The following ZNF827 variants were observed in gnomAD, a reference collection of about 807,000 sequenced individuals.
ZNF827 encodes the protein zinc finger protein 827.
ZNF827 carries 13 observed loss-of-function variants against 102.4 expected under a neutral mutation model. That is an observed-to-expected ratio of 0.13 (90% CI 0.08 to 0.20). ZNF827 has a LOEUF of 0.20. Ranked by LOEUF, ZNF827 falls within the 10% of genes least tolerant of loss-of-function variation. The pLI, the probability that ZNF827 is intolerant of heterozygous loss-of-function variation, is 1.00. For synonymous variants in ZNF827, 523 were observed against 536.2 expected, an observed-to-expected ratio of 0.98 and a Z score of 0.34; for missense variants, 1,103 against 1,344.4, an observed-to-expected ratio of 0.82 and a Z score of 2.81.
intron 1 of ZNF827, among the ~76,000 whole-genome samples, chr4:145,937,160 G>A (rs1459106078): frequency 1.3e-5 from 2 of 152,130 alleles, no homozygotes; most frequent in Non-Finnish European, 2.9e-5. Flanking sequence ...GAGCTGGAGA[G>A]GGAGTGGGGG....
chr4:145,870,715 C>T (rs1359961825), intron 4 of ZNF827: 1 of 423,616 alleles, frequency 2.4e-6, no homozygotes, highest in Non-Finnish European at 4.2e-6. Flanking sequence ...TTAAGAAGTG[C>T]TACCTCTACA....
At chr4:145,926,804 G>A (rs531589104) in intron 1 of ZNF827, among the ~76,000 whole-genome samples, 2 of 151,762 alleles carry the variant, frequency 1.3e-5, no homozygotes, top group African/African-American at 4.8e-5. Flanking sequence ...TCATGTTTAA[G>A]CTTCTCATAC....
At chr4:145,937,636 T>C (rs1023844642) in intron 1 of ZNF827, among the ~76,000 whole-genome samples, 3 of 144,848 alleles carry the variant, frequency 2.1e-5, no homozygotes, top group Non-Finnish European at 3.0e-5. Context: ...TGTACCCGTG[T>C]GTTTGTGTGC....
chr4:145,930,720 C>T (rs1246105753), intron 1 of ZNF827, among the ~76,000 whole-genome samples: 1 of 152,124 alleles, frequency 6.6e-6, no homozygotes, highest in Non-Finnish European at 1.5e-5. Context: ...TTTAGTATAA[C>T]CCTAGGTCAG....
chr4:145,880,611 T>C (rs1050496849), intron 4 of ZNF827, among the ~76,000 whole-genome samples: 1 of 152,192 alleles, frequency 6.6e-6, no homozygotes, highest in Non-Finnish European at 1.5e-5. Flanking sequence ...TCCTCTCTTA[T>C]GAATCACCAA....
At chr4:145,776,971 C>T (rs1220037790) in intron 9 of ZNF827, among the ~76,000 whole-genome samples, 1 of 152,154 alleles carries the variant, frequency 6.6e-6, no homozygotes, top group Non-Finnish European at 1.5e-5. Flanking sequence ...GCTTTCATCA[C>T]ACAGATAAAG....
chr4:145,802,731 G>C (rs1741034704), intron 8 of ZNF827, among the ~76,000 whole-genome samples: 1 of 152,236 alleles, frequency 6.6e-6, no homozygotes. Flanking sequence ...ATGAAGGCGG[G>C]AGAATAGCTT....
chr4:145,760,071 GAGA>G lies in ZNF827; in HGVS notation c.*1542_*1544del, dbSNP rs1219079249. 6.6e-6 allele frequency: 1 copy of G among 152,232 alleles called. No individual in the cohort carries two copies. Among genetic ancestry groups the G allele is most frequent in the African/African-American group, 2.4e-5 (1 of 41,452 alleles). 9.4% of individuals were successfully genotyped at this position (152,232 alleles called of 1,614,324 possible). On this transcript the variant is annotated 3_prime_UTR_variant, in exon 15 of 15. Transcript: ENST00000508784. ...TTGATTCCTCGCCTCTTCATCACCA[GAGA>G]AGATCTGAGCGCAAGGTCTCCAGCG...
chr4:145,870,367 T>G lies in ZNF827; in HGVS notation c.1859A>C (p.Glu620Ala). The change falls in exon 5 of 15, where the codon GAA becomes GCA. Residue 620 changes from glutamate to alanine, a missense_variant. Glu to Ala is a moderately radical substitution (Grantham distance 107, BLOSUM62 -1). Transcript: ENST00000508784. Reference sequence around the variant, plus strand: ...GACGCCTGGGGCTGACACTTCAGATTCCGGGCTGAACACATAGCTGGACCG... The same window carrying G: ...GACGCCTGGGGCTGACACTTCAGATGCCGGGCTGAACACATAGCTGGACCG... ...LPRSSYVFSP[E>A]SEVSAPGVSE... 6.2e-7 allele frequency: 1 copy of G among 1,614,146 alleles called. No homozygotes were observed. Among genetic ancestry groups the G allele is most frequent in the South Asian group, 1.1e-5 (1 of 91,078 alleles).
At position 145,835,263 on chromosome 4, in the gene ZNF827, T is replaced by A. The variant is rs531551100; in HGVS notation, c.2279+10693A>T. 2.8e-4 allele frequency: 43 copies of A among 152,314 alleles called. No individual in the cohort carries two copies. In the East Asian group the frequency reaches 6.0e-3, roughly 21 times the overall value. 9.4% of individuals were successfully genotyped at this position (152,314 alleles called of 1,614,324 possible). On this transcript the variant is annotated intron_variant, in intron 7 of 14. Transcript: ENST00000508784. ...CAGAAGCCCCCTAGACCATCACGGATGCTGAGCTTCGGGTAACTCTCACAG... is the reference window on the plus strand; with the variant it reads ...CAGAAGCCCCCTAGACCATCACGGAAGCTGAGCTTCGGGTAACTCTCACAG...
rs1750082293 is a variant in ZNF827, at chr4:145,885,924, T to C, written c.1501A>G (p.Met501Val). ...EGGGTELVGT[M>V]MTSNTPERTS... ...CTCTCTGGAGTGTTAGACGTCATCA[T>C]GGTCCCCACTAGCTCTGTCCCTCCT... The change falls in exon 4 of 15, where the codon ATG (methionine) becomes GTG (valine). Residue 501 changes from methionine (M) to valine (V), a missense_variant. Met to Val is a conservative substitution (Grantham distance 21). This residue lies in a region of ZNF827 where 157 missense variants were observed against 211.7 expected (regional missense o/e 0.74). Transcript: ENST00000508784. 1.2e-6 allele frequency: 2 copies of C among 1,614,100 alleles called. No individual in the cohort carries two copies. Among genetic ancestry groups the C allele is most frequent in the Non-Finnish European group, 8.5e-7 (1 of 1,180,026 alleles).
At chr4:145,876,058 C>T (rs560641901) in intron 4 of ZNF827, among the ~76,000 whole-genome samples, 5 of 152,304 alleles carry the variant, frequency 3.3e-5, no homozygotes, top group Non-Finnish European at 7.3e-5. Context: ...GTTTCTCCCC[C>T]TCTCATAGGA....
intron 11 of ZNF827, among the ~76,000 whole-genome samples, chr4:145,772,813 C>CT (rs1156573140): frequency 6.6e-6 from 1 of 152,214 alleles, no homozygotes; most frequent in Non-Finnish European, 1.5e-5. Context: ...CAAGAATATT[C>CT]TTTCCTGCTA....
intron 2 of ZNF827, among the ~76,000 whole-genome samples, chr4:145,898,512 T>G (rs1252848974): frequency 6.6e-6 from 1 of 152,234 alleles, no homozygotes; most frequent in Non-Finnish European, 1.5e-5. Flanking sequence ...ACCATTTATT[T>G]TATTCTTAGC....
At chr4:145,851,303 C>A (rs967375660) in intron 5 of ZNF827, among the ~76,000 whole-genome samples, 2 of 152,144 alleles carry the variant, frequency 1.3e-5, no homozygotes, top group Non-Finnish European at 2.9e-5. Flanking sequence ...GATAGACAGA[C>A]AGACAGGCAG....
At chr4:145,904,650 CCATA>C (rs1295941099) in intron 1 of ZNF827, among the ~76,000 whole-genome samples, 1 of 152,058 alleles carries the variant, frequency 6.6e-6, no homozygotes, top group East Asian at 1.9e-4. Context: ...CAGAGCAGTG[CCATA>C]GGAGGTCAGA....
chr4:145,815,394 G>C (rs1742501133), intron 8 of ZNF827, among the ~76,000 whole-genome samples: 1 of 152,132 alleles, frequency 6.6e-6, no homozygotes, highest in South Asian at 2.1e-4. Flanking sequence ...GAGAATAGCA[G>C]AAAATGAAAA....
chr4:145,845,986 G>C lies in ZNF827; in HGVS notation c.2249C>G (p.Thr750Arg). Residue 750 changes from threonine to arginine, a missense_variant, in exon 7 of 15, where the codon ACA becomes AGA. Transcript: ENST00000508784. ...SEKVSKEHNH[T>R]KENTIRTTTS... The stretch of plus-strand genomic sequence containing the variant: ...CGTGGTCCGGATGGTGTTTTCTTTT[G>C]TATGATTGTGCTCTTTGCTCACTTT... 1 of 1,614,168 alleles carries C rather than the reference G, an allele frequency of 6.2e-7. No homozygotes were observed. The highest frequency in any genetic ancestry group is 8.5e-7 in the Non-Finnish European group (1 of 1,180,024).
chr4:145,814,062 C>A (rs1742318599), intron 8 of ZNF827, among the ~76,000 whole-genome samples: 1 of 152,166 alleles, frequency 6.6e-6, no homozygotes, highest in African/African-American at 2.4e-5. Context: ...AACCCCAAAT[C>A]CGAAATGCTC....
Sources: gnomAD v4.1 joint callset for allele counts (sites outside exome capture counted in the v4.1 genomes callset) on GRCh38, gnomAD v4.1.1 for gene constraint, gnomAD v4.1.1 regional missense constraint, MANE v1.5 for transcripts, NCBI Gene and HGNC (gene_info 2026-07-23, HGNC 2026-07-21) for gene names.